ITGA3: variants seen among roughly 807,000 people sequenced by gnomAD.
The protein encoded by ITGA3 is integrin subunit alpha 3, also known as integrin alpha-3.
ITGA3 carries 70 observed loss-of-function variants against 131.1 expected under a neutral mutation model. The observed-to-expected ratio is 0.53, with a 90% CI of 0.44 to 0.65. ITGA3 has a LOEUF of 0.65. Among genes scored for constraint, ITGA3 ranks in the 30% least tolerant of loss-of-function variants. The pLI, the probability that ITGA3 is intolerant of heterozygous loss-of-function variation, is 0.00. For missense variants in ITGA3, 1,098 were observed against 1,388.6 expected (o/e 0.79, Z 3.33); for synonymous variants, 537 against 571.6 (o/e 0.94, Z 0.86).
chr17:50,087,470 T>C, intron 23 of ITGA3: 1 of 391,702 alleles, frequency 2.6e-6, no homozygotes, highest in Non-Finnish European at 4.6e-6. Context: ...AAGGAGCTGG[T>C]ACCCAGGCCC....
Position 50,064,704 on chromosome 17 carries a change from G to A in ITGA3, c.414+97G>A, listed in dbSNP as rs1023719989. On this transcript the variant is annotated intron_variant, in intron 3 of 25. Coordinates refer to ENST00000320031, the MANE Select transcript of ITGA3 (RefSeq NM_002204.4). This position sits in a 1 kb window ranked among gnomAD's most constrained non-coding sequence, Gnocchi z 4.4. ...AGAAGAGGGCAGCAGGGGGGTCCAC[G>A]GCGCGTGTGTGCTGGGGCCTGCACA... 4 of 989,660 alleles carry A rather than the reference G, an allele frequency of 4.0e-6. No homozygotes were observed. The South Asian group carries it at 4.6e-5, about 11-fold the overall frequency. 61.3% of individuals were successfully genotyped at this position (989,660 alleles called of 1,614,324 possible).
rs76664566 is a variant in ITGA3, at chr17:50,070,115, G to A, written c.665-729G>A. Among the ~76,000 whole-genome samples, 233 of 152,326 alleles carry A rather than the reference G, an allele frequency of 1.5e-3. 1 individual carries two copies. The highest frequency in any genetic ancestry group is 5.1e-3 in the African/African-American group (213 of 41,578). ...CTCTCCAGCAGCAGCCCTGGGTGCAGGGTCCAGCTAGGCAGCCCGAGTTTG... is the reference window on the plus strand; with the variant it reads ...CTCTCCAGCAGCAGCCCTGGGTGCAAGGTCCAGCTAGGCAGCCCGAGTTTG... On this transcript the variant is annotated intron_variant, in intron 4 of 25. Transcript: ENST00000320031.
At chr17:50,071,756 G>T in intron 6 of ITGA3, 1 of 617,644 alleles carries the variant, frequency 1.6e-6, no homozygotes, top group Non-Finnish European at 2.8e-6. Flanking sequence ...GGATTGTTTG[G>T]GTTTGATTTG....
intron 3 of ITGA3, 27 bp from the exon 4 acceptor site, chr17:50,068,029 G>C (rs748413546): frequency 6.2e-7 from 1 of 1,613,012 alleles, no homozygotes; most frequent in Non-Finnish European, 8.5e-7. Context: ...GCCTGACTAA[G>C]GCTGCCTGTG....
In ITGA3 at chr17:50,064,472, T is replaced by C; in HGVS notation, c.335-56T>C. ...ACCCACTCCTGCCCTCTGGAGACTT[T>C]GGGCACTGAAGTATGGGTGAGGTGC... is the stretch of plus-strand genomic sequence containing the variant. On this transcript the variant is annotated intron_variant, in intron 2 of 25. Coordinates refer to ENST00000320031, the MANE Select transcript of ITGA3 (RefSeq NM_002204.4). The surrounding 1 kb of genome is among the most constrained non-coding windows in gnomAD (Gnocchi z 4.4). 6.5e-7 allele frequency: 1 copy of C among 1,530,712 alleles called. No homozygotes were observed. The highest frequency in any genetic ancestry group is 8.9e-7 in the Non-Finnish European group (1 of 1,125,474). 94.8% of individuals were successfully genotyped at this position (1,530,712 alleles called of 1,614,324 possible).
intron 23 of ITGA3, 127 bp from the exon 24 acceptor site, chr17:50,087,617 C>A: frequency 9.3e-7 from 1 of 1,072,846 alleles, no homozygotes. Context: ...AGGCTTTTTC[C>A]AGTCCCAGGC....
At chr17:50,058,989 G>A (rs748150123) in intron 1 of ITGA3, among the ~76,000 whole-genome samples, 36 of 152,322 alleles carry the variant, frequency 2.4e-4, no homozygotes, top group Admixed American at 6.5e-4. Context: ...GGGGTGGGAG[G>A]AGGGGAGAGC....
In ITGA3 at chr17:50,056,465, C is replaced by T; in HGVS notation, c.26C>T (p.Pro9Leu). 2.0e-6 allele frequency: 3 copies of T among 1,538,032 alleles called. No homozygotes were observed. The highest frequency in any genetic ancestry group is 5.1e-5 in the East Asian group (2 of 39,602). MGPGPSRA[P>L]RAPRLMLCAL... ...ATGGGCCCCGGCCCCAGCCGCGCGC[C>T]CCGCGCCCCACGCCTGATGCTCTGT... The change falls in exon 1 of 26, where the codon CCC becomes CTC. Residue 9 changes from proline to leucine, a missense_variant. This residue lies in a region of ITGA3 where 43 missense variants were observed against 30.3 expected (regional missense o/e 1.42). Coordinates refer to ENST00000320031, the MANE Select transcript of ITGA3 (RefSeq NM_002204.4). The surrounding 1 kb of genome is among the most constrained non-coding windows in gnomAD (Gnocchi z 5.6).
intron 4 of ITGA3, among the ~76,000 whole-genome samples, chr17:50,070,149 A>G (rs1450270877): frequency 6.6e-6 from 1 of 152,170 alleles, no homozygotes; most frequent in Non-Finnish European, 1.5e-5. Context: ...TGGGGTCAGG[A>G]CCAGAAAGAG....
At chr17:50,071,785 A>G in intron 6 of ITGA3, 1 of 619,056 alleles carries the variant, frequency 1.6e-6, no homozygotes, top group Non-Finnish European at 2.8e-6. Context: ...TGGCGTCTCC[A>G]TGACATATGT....
chr17:50,078,079 G>A lies in ITGA3; in HGVS notation c.2173G>A (p.Val725Met), dbSNP rs771781219. 6.2e-7 allele frequency: 1 copy of A among 1,613,642 alleles called. No individual in the cohort carries two copies. The highest frequency in any genetic ancestry group is 8.5e-7 in the Non-Finnish European group (1 of 1,179,614). The change falls in exon 17 of 26, where the codon GTG becomes ATG. Residue 725 changes from valine to methionine, a missense_variant. Physicochemically the swap from Val to Met is conservative, Grantham distance 21 (BLOSUM62 1). This residue lies in a region of ITGA3 where 699 missense variants were observed against 829.2 expected (regional missense o/e 0.84). Transcript: ENST00000320031. ...ELLIAFEVIG[V>M]TLHTRDLQVQ... ...GCTCATCGCCTTTGAGGTCATCGGG[G>A]TGACCCTGCACACAAGGGACCTTCA...
Position 50,056,212 on chromosome 17 carries a change from G to T in ITGA3, c.-228G>T. On this transcript the variant is annotated 5_prime_UTR_variant, in exon 1 of 26. Coordinates refer to ENST00000320031, the MANE Select transcript of ITGA3 (RefSeq NM_002204.4). This position sits in a 1 kb window ranked among gnomAD's most constrained non-coding sequence, Gnocchi z 5.6. ...CCCGGGGCAGGGACGGCGGCGACCC[G>T]GCCGCTGGGGAGGCAGGAAGATAGA... 2.3e-6 allele frequency: 1 copy of T among 437,656 alleles called. No homozygotes were observed. The highest frequency in any genetic ancestry group is 3.7e-5 in the East Asian group (1 of 27,008). The allele number at this position is 437,656 out of a possible 1,614,324, so 27.1% of individuals were successfully genotyped here. A position where few individuals can be genotyped will look rare whatever the true frequency, so the allele number is the denominator to read the frequency against.
intron 3 of ITGA3, 100 bp from the exon 4 acceptor site, chr17:50,067,956 G>A (rs1908412285): frequency 1.3e-6 from 2 of 1,482,958 alleles, no homozygotes; most frequent in African/African-American, 2.8e-5. Flanking sequence ...GATCTCCTTT[G>A]ACTCCTGTTT....
Position 50,079,264 on chromosome 17 carries a change from G to A in ITGA3, c.2583+6G>A, listed in dbSNP as rs1461511259. ...CTCTCAACCTCACTCTTTCTGTAAGGACACTATCAGGGATATTTCATTTGC... is the reference window on the plus strand; with the variant it reads ...CTCTCAACCTCACTCTTTCTGTAAGAACACTATCAGGGATATTTCATTTGC... On this transcript the variant is annotated splice_donor_region_variant and intron_variant, in intron 20 of 25. Coordinates refer to ENST00000320031, the MANE Select transcript of ITGA3 (RefSeq NM_002204.4). 1.9e-6 allele frequency: 3 copies of A among 1,613,462 alleles called. No individual in the cohort carries two copies. Among genetic ancestry groups the A allele is most frequent in the Non-Finnish European group, 1.7e-6 (2 of 1,179,630 alleles).
intron 23 of ITGA3, 89 bp downstream of exon 23, chr17:50,081,497 C>A: frequency 3.2e-6 from 3 of 949,496 alleles, no homozygotes; most frequent in Non-Finnish European, 4.9e-6. Context: ...CGCACTTCAG[C>A]CATATGGTTC....
At position 50,074,454 on chromosome 17, in the gene ITGA3, G is replaced by T; in HGVS notation, c.1389G>T (p.Arg463=). 2 of 1,614,012 alleles carry T rather than the reference G, an allele frequency of 1.2e-6. No individual in the cohort carries two copies. The highest frequency in any genetic ancestry group is 8.5e-7 in the Non-Finnish European group (1 of 1,179,944). Residue 463 remains arginine, a synonymous_variant, in exon 10 of 26, where the codon CGG becomes CGT. Coordinates refer to ENST00000320031, the MANE Select transcript of ITGA3 (RefSeq NM_002204.4). ...LSDHIVLLRA[R]PVINIVHKTL... is the part of the protein sequence containing the mutation. ...GGCTCTGTTGTCTCTGCAGGGCCCG[G>T]CCCGTCATCAACATCGTCCACAAGA... is the stretch of plus-strand genomic sequence containing the variant.
intron 13 of ITGA3, 54 bp from the exon 14 acceptor site, chr17:50,076,530 C>G: frequency 6.3e-7 from 1 of 1,594,900 alleles, no homozygotes; most frequent in Non-Finnish European, 8.6e-7. Context: ...GGCGGTGGGG[C>G]GAGAGGGCAC....
At chr17:50,081,118 C>T in intron 22 of ITGA3, 192 bp from the exon 23 acceptor site, 1 of 565,046 alleles carries the variant, frequency 1.8e-6, no homozygotes, top group Non-Finnish European at 3.2e-6. Context: ...GGACCTGACG[C>T]AGAAATGAAT....
At chr17:50,073,530 G>A (rs1263872039) in intron 7 of ITGA3, among the ~76,000 whole-genome samples, 2 of 152,090 alleles carry the variant, frequency 1.3e-5, no homozygotes, top group Middle Eastern at 3.4e-3. Context: ...GGTTGAGGCT[G>A]CAGTGAGCTA....
Sources: allele counts gnomAD v4.1 joint callset (sites outside exome capture counted in the v4.1 genomes callset), GRCh38; gene constraint gnomAD v4.1.1; regional missense constraint gnomAD v4.1.1; non-coding constraint Gnocchi (gnomAD v3.1); transcripts MANE v1.5; gene names NCBI Gene and HGNC (gene_info 2026-07-23, HGNC 2026-07-21).